The following IRAK4 variants were observed in gnomAD, a reference collection of about 807,000 sequenced individuals.
The protein encoded by IRAK4 is interleukin-1 receptor-associated kinase 4.
A neutral mutation model predicts 51.8 loss-of-function variants in IRAK4; 44 were observed. The ratio of observed to expected loss-of-function variants is 0.85; its 90% CI spans 0.67 to 1.09. IRAK4 has a LOEUF of 1.09. IRAK4 is among the 50% of genes least tolerant of loss of function. The pLI, the probability that IRAK4 is intolerant of heterozygous loss-of-function variation, is 0.00. For missense variants in IRAK4, 487 were observed against 538.0 expected (o/e 0.91, Z 0.94); for synonymous variants, 149 against 174.1 (o/e 0.86, Z 1.13).
intron 6 of IRAK4, among the ~76,000 whole-genome samples, chr12:43,775,051 A>G (rs1374638224): frequency 6.6e-6 from 1 of 152,204 alleles, no homozygotes; most frequent in Non-Finnish European, 1.5e-5. Flanking sequence ...CGGAGCCTGA[A>G]CTTTAGATCT....
intron 8 of IRAK4, among the ~76,000 whole-genome samples, chr12:43,780,003 C>T (rs1389336610): frequency 1.3e-5 from 2 of 151,934 alleles, no homozygotes; most frequent in African/African-American, 4.8e-5. Context: ...AAGAGATGAT[C>T]ACAAAAAGGA....
intron 1 of IRAK4, 44 bp from the exon 2 acceptor site, chr12:43,768,059 C>G (rs1454725468): frequency 2.8e-6 from 4 of 1,431,808 alleles, no homozygotes; most frequent in Non-Finnish European, 2.9e-6. Context: ...GATGTCATCT[C>G]TAAAAGTACT....
chr12:43,765,082 T>C (rs1376284105), intron 1 of IRAK4, among the ~76,000 whole-genome samples: 1 of 152,194 alleles, frequency 6.6e-6, no homozygotes, highest in Non-Finnish European at 1.5e-5. Flanking sequence ...GAGGAAATGG[T>C]TTAGGATCTT....
rs12426020 is a variant in IRAK4 at position 43,782,628 on chromosome 12, T to C, written c.1125+138T>C. On this transcript the variant is annotated intron_variant, in intron 9 of 11. Transcript: ENST00000613694. ...AGTTTTTCACATTAACCTCTACTTA[T>C]ACCAGAAAGTTTATAAAAACTTCTT... The C allele has an allele frequency of 0.021, 14,966 of 706,142 alleles. 197 individuals carry two copies. The highest frequency in any genetic ancestry group is 0.027 in the Non-Finnish European group (11,967 of 437,330). 43.7% of individuals were successfully genotyped at this position (706,142 alleles called of 1,614,324 possible).
At chr12:43,786,358 T>C in intron 10 of IRAK4, 41 bp from the exon 11 acceptor site, 2 of 1,276,670 alleles carry the variant, frequency 1.6e-6, no homozygotes, top group Non-Finnish European at 2.2e-6. Context: ...TTTCTTTCAC[T>C]ATGATTTGAA....
At chr12:43,766,741 G>T (rs755138124) in intron 1 of IRAK4, among the ~76,000 whole-genome samples, 1 of 152,256 alleles carries the variant, frequency 6.6e-6, no homozygotes, top group East Asian at 1.9e-4. Flanking sequence ...TGATAAAACT[G>T]TACTGGGAAA....
At position 43,768,265 on chromosome 12, in the gene IRAK4, C is replaced by G. The variant is rs758634981; in HGVS notation, c.154C>G (p.His52Asp). 6.2e-7 allele frequency: 1 copy of G among 1,606,814 alleles called. No homozygotes were observed. Among genetic ancestry groups the G allele is most frequent in the South Asian group, 1.1e-5 (1 of 90,512 alleles). ...PSGDDRYNQF[H>D]IRRFEALLQT... ...TGGTGATGATAGATACAATCAGTTT[C>G]ACATAAGGTAACAGATAAAATTCTT... Residue 52 changes from histidine (H) to aspartate (D), a missense_variant, in exon 2 of 12, where the codon CAC becomes GAC. By Grantham distance (81) the His-to-Asp change is moderately conservative. Transcript: ENST00000613694.
chr12:43,770,973 C>CT (rs557950722), intron 2 of IRAK4: 668 of 621,064 alleles, frequency 1.1e-3, no homozygotes, highest in East Asian at 2.1e-3. Flanking sequence ...CTCTCTCTCT[C>CT]TTTTTTTTTC....
In IRAK4 at chr12:43,772,371, C is replaced by T. The variant is rs199557328; in HGVS notation, c.490+9C>T. 1.2e-5 allele frequency: 19 copies of T among 1,606,546 alleles called. No homozygotes were observed. The highest frequency in any genetic ancestry group is 1.6e-5 in the Non-Finnish European group (19 of 1,176,616). ...AGAAGTTAGTGATACACGTAAGTAA[C>T]ATTTTCAGTGCTTTCCACTAGGGAT... On this transcript the variant is annotated intron_variant, in intron 4 of 11. Coordinates refer to ENST00000613694, the MANE Select transcript of IRAK4 (RefSeq NM_016123.4).
intron 1 of IRAK4, chr12:43,759,533 G>C (rs1016718758): frequency 6.6e-6 from 1 of 152,354 alleles, no homozygotes; most frequent in Non-Finnish European, 1.5e-5. Flanking sequence ...GGGGAAAAAA[G>C]TGTACCTGTC....
At chr12:43,782,221 T>C (rs1050906421) in intron 8 of IRAK4, 86 bp from the exon 9 acceptor site, 64 of 804,774 alleles carry the variant, frequency 8.0e-5, no homozygotes, top group Admixed American at 2.7e-4. Context: ...TATACATGCA[T>C]ACATACGTAC....
intron 6 of IRAK4, among the ~76,000 whole-genome samples, chr12:43,775,174 G>A (rs1354917731): frequency 6.6e-6 from 1 of 152,104 alleles, no homozygotes; most frequent in African/African-American, 2.4e-5. Flanking sequence ...TTTATGCACG[G>A]TAAAAATGAT....
At chr12:43,771,487 C>T (rs2137933588) in intron 3 of IRAK4, 122 bp downstream of exon 3, 1 of 1,037,272 alleles carries the variant, frequency 9.6e-7, no homozygotes, top group Non-Finnish European at 1.5e-6. Context: ...TTGAGAGTCC[C>T]TTTCTTTCAG....
At chr12:43,766,664 T>C (rs923890595) in intron 1 of IRAK4, among the ~76,000 whole-genome samples, 7 of 152,358 alleles carry the variant, frequency 4.6e-5, no homozygotes, top group African/African-American at 1.7e-4. Flanking sequence ...TTGTATGGCA[T>C]GACTTTTGGA....
intron 2 of IRAK4, among the ~76,000 whole-genome samples, chr12:43,769,485 C>A (rs1222488829): frequency 6.6e-6 from 1 of 152,008 alleles, no homozygotes; most frequent in East Asian, 1.9e-4. Context: ...CATGGTAAAA[C>A]CCCATCACTA....
At chr12:43,761,644 C>T (rs530094138) in intron 1 of IRAK4, among the ~76,000 whole-genome samples, 1 of 152,116 alleles carries the variant, frequency 6.6e-6, no homozygotes, top group African/African-American at 2.4e-5. Flanking sequence ...AGAACTTAGG[C>T]CTGTGCAACC....
intron 1 of IRAK4, among the ~76,000 whole-genome samples, chr12:43,764,924 C>T (rs1939961132): frequency 6.6e-6 from 1 of 152,202 alleles, no homozygotes; most frequent in African/African-American, 2.4e-5. Flanking sequence ...ATACCTTGAG[C>T]ATCCCAAAAA....
At chr12:43,761,099 C>T (rs888449366) in intron 1 of IRAK4, 7 of 152,160 alleles carry the variant, frequency 4.6e-5, no homozygotes, top group African/African-American at 2.4e-5. Flanking sequence ...CAGCACATAT[C>T]CCAGTTTGTA....
Position 43,778,190 on chromosome 12 carries a change from A to G in IRAK4, c.832-3A>G, listed in dbSNP as rs1014538528. 1 of 1,539,446 alleles carries G rather than the reference A, an allele frequency of 6.5e-7. No homozygotes were observed. Among genetic ancestry groups the G allele is most frequent in the Admixed American group, 1.7e-5 (1 of 59,906 alleles). On this transcript the variant is annotated splice_polypyrimidine_tract_variant and splice_region_variant and intron_variant, in intron 7 of 11. Transcript: ENST00000613694. ...TTTTTAATTTGGTTTATTTCTTTAT[A>G]AGGATGGTACTCCACCACTTTCTTG...
Sources: allele counts gnomAD v4.1 joint callset (sites outside exome capture counted in the v4.1 genomes callset), GRCh38; gene constraint gnomAD v4.1.1; transcripts MANE v1.5; gene names NCBI Gene and HGNC (gene_info 2026-07-23, HGNC 2026-07-21).